KDM3B: variants seen among roughly 807,000 people sequenced by gnomAD.
KDM3B encodes lysine demethylase 3B.
KDM3B carries 10 observed loss-of-function variants against 170.0 expected under a neutral mutation model. That is an observed-to-expected ratio of 0.06 (90% CI 0.04 to 0.10). KDM3B has a LOEUF of 0.10. Ranked by LOEUF, KDM3B falls within the 10% of genes least tolerant of loss-of-function variation. The pLI is 1.00. For synonymous variants in KDM3B, 831 were observed against 834.8 expected, an observed-to-expected ratio of 1.00 and a Z score of 0.08; for missense variants, 1,394 against 2,195.2, an observed-to-expected ratio of 0.64 and a Z score of 7.29.
chr5:138,388,029 C>T (rs1400048552), intron 7 of KDM3B, among the ~76,000 whole-genome samples: 1 of 151,696 alleles, frequency 6.6e-6, no homozygotes, highest in Non-Finnish European at 1.5e-5. Context: ...TGCAGTGAGC[C>T]GAGATTGTGC....
intron 4 of KDM3B, among the ~76,000 whole-genome samples, chr5:138,378,070 G>A (rs1160181592): frequency 6.6e-6 from 1 of 152,090 alleles, no homozygotes; most frequent in Non-Finnish European, 1.5e-5. Flanking sequence ...TCGTCTTATG[G>A]AGGTGTCTGT....
At chr5:138,400,940 T>C (rs1165103999) in intron 11 of KDM3B, among the ~76,000 whole-genome samples, 1 of 151,882 alleles carries the variant, frequency 6.6e-6, no homozygotes, top group Non-Finnish European at 1.5e-5. Context: ...AGTAGTCTGC[T>C]TTTTGTCTCT....
chr5:138,426,683 G>A (rs1763402932), intron 17 of KDM3B: 1 of 302,300 alleles, frequency 3.3e-6, no homozygotes, highest in Admixed American at 4.1e-5. Flanking sequence ...CTGAGGTCAG[G>A]AGTTTGAGAC....
intron 9 of KDM3B, 53 bp downstream of exon 9, chr5:138,393,425 C>A: frequency 7.2e-7 from 1 of 1,386,934 alleles, no homozygotes; most frequent in Non-Finnish European, 1.0e-6. Context: ...TGACACATAA[C>A]TTCCACTCTT....
At chr5:138,376,125 A>G (rs897194364) in intron 3 of KDM3B, among the ~76,000 whole-genome samples, 1 of 152,010 alleles carries the variant, frequency 6.6e-6, no homozygotes, top group African/African-American at 2.4e-5. Context: ...TCAAAGGCAC[A>G]TGCTATCACA....
chr5:138,414,169 T>C (rs778482146), intron 11 of KDM3B, among the ~76,000 whole-genome samples: 2 of 152,030 alleles, frequency 1.3e-5, no homozygotes, highest in Non-Finnish European at 2.9e-5. Context: ...GCAAAACTTA[T>C]TATTATTTTT....
intron 11 of KDM3B, among the ~76,000 whole-genome samples, chr5:138,403,782 G>A (rs1219833473): frequency 3.3e-5 from 5 of 149,316 alleles, no homozygotes; most frequent in Admixed American, 6.7e-5. Context: ...CACTTAAGCC[G>A]AGGAGTTCAA....
rs928560245 is a variant in KDM3B, at chr5:138,429,917, C to T, written c.4845C>T (p.His1615=). Residue 1615 remains histidine (H), a synonymous_variant, in exon 21 of 24, where the codon CAC becomes CAT. Transcript: ENST00000314358. ...AAGAGAAGCCAGGTGCTTTATGGCA[C>T]ATCTATGCAGCCAAGGATGCAGAGA... is the stretch of plus-strand genomic sequence containing the variant. ...DGKEKPGALW[H]IYAAKDAEKI... The T allele has an allele frequency of 1.2e-6, 2 of 1,614,206 alleles. No individual in the cohort carries two copies. Among genetic ancestry groups the T allele is most frequent in the Non-Finnish European group, 1.7e-6 (2 of 1,180,032 alleles).
chr5:138,357,651 T>TG (rs1561753013), intron 1 of KDM3B, among the ~76,000 whole-genome samples: 8 of 152,190 alleles, frequency 5.3e-5, no homozygotes, highest in African/African-American at 1.9e-4. Context: ...TGAGCCACCA[T>TG]GCCCAGCCAA....
chr5:138,362,786 C>T (rs897052025), intron 1 of KDM3B, among the ~76,000 whole-genome samples: 4 of 148,714 alleles, frequency 2.7e-5, no homozygotes, highest in South Asian at 2.1e-4. Flanking sequence ...ATGTGCACAA[C>T]GTGCAGGTTT....
chr5:138,430,107 G>A, intron 21 of KDM3B, 142 bp downstream of exon 21: 3 of 1,373,678 alleles, frequency 2.2e-6, no homozygotes, highest in Non-Finnish European at 3.0e-6. Flanking sequence ...AAGCCCAAAG[G>A]CTTGAATCCA....
intron 1 of KDM3B, among the ~76,000 whole-genome samples, chr5:138,369,931 C>CT (rs1315324275): frequency 2.0e-5 from 3 of 152,156 alleles, no homozygotes; most frequent in African/African-American, 7.2e-5. Flanking sequence ...AGTAAGTTGT[C>CT]TAAGTTTTGC....
chr5:138,357,639 C>T (rs1367284032), intron 1 of KDM3B, among the ~76,000 whole-genome samples: 1 of 151,990 alleles, frequency 6.6e-6, no homozygotes, highest in Non-Finnish European at 1.5e-5. Flanking sequence ...GGATTACAGG[C>T]GTGAGCCACC....
intron 2 of KDM3B, chr5:138,374,315 T>C: frequency 2.3e-6 from 1 of 442,114 alleles, no homozygotes; most frequent in Non-Finnish European, 4.5e-6. Context: ...CAGGCTGGAG[T>C]GCAATGGCTC....
chr5:138,433,142 C>T (rs1353938602), intron 23 of KDM3B, among the ~76,000 whole-genome samples: 1 of 144,426 alleles, frequency 6.9e-6, no homozygotes, highest in African/African-American at 2.6e-5. Flanking sequence ...GACAGATTCT[C>T]AGTCTGTCAC....
chr5:138,385,149 A>G (rs1012749300), intron 6 of KDM3B, among the ~76,000 whole-genome samples: 7 of 151,822 alleles, frequency 4.6e-5, no homozygotes, highest in Admixed American at 2.6e-4. Context: ...AGCCTCCCCA[A>G]TAGCTGGGAT....
intron 3 of KDM3B, among the ~76,000 whole-genome samples, chr5:138,377,443 GAC>G (rs1199767418): frequency 1.5e-5 from 2 of 135,982 alleles, no homozygotes. Flanking sequence ...GTTCACAAGA[GAC>G]AGGGTCTTGT....
intron 11 of KDM3B, among the ~76,000 whole-genome samples, chr5:138,412,100 C>G (rs1304748653): frequency 6.6e-6 from 1 of 151,058 alleles, no homozygotes; most frequent in Non-Finnish European, 1.5e-5. Context: ...CTTTGGGAGG[C>G]TGAGGCAGGT....
chr5:138,409,784 T>C (rs531140382), intron 11 of KDM3B, among the ~76,000 whole-genome samples: 1 of 151,706 alleles, frequency 6.6e-6, no homozygotes, highest in East Asian at 1.9e-4. Context: ...AAAGAAAAAA[T>C]AACAATAATG....
Sources: gnomAD v4.1 joint callset for allele counts (sites outside exome capture counted in the v4.1 genomes callset) on GRCh38, gnomAD v4.1.1 for gene constraint, MANE v1.5 for transcripts, NCBI Gene and HGNC (gene_info 2026-07-23, HGNC 2026-07-21) for gene names.